The following SCFD2 variants were observed in gnomAD, a reference collection of about 807,000 sequenced individuals.
The protein encoded by SCFD2 is sec1 family domain containing 2.
In SCFD2, 54 loss-of-function variants were observed where a neutral mutation model predicts 58.9. That is an observed-to-expected ratio of 0.92 (90% confidence interval 0.74 to 1.15). The LOEUF is 1.15. SCFD2 is among the 50% of genes most tolerant of loss of function. SCFD2 has a pLI of 0.00. For missense variants in SCFD2, 805 were observed against 836.6 expected, an observed-to-expected ratio of 0.96 and a Z score of 0.47; for synonymous variants, 321 against 335.9, an observed-to-expected ratio of 0.96 and a Z score of 0.49.
Position 53,045,423 on chromosome 4 carries a change from T to C in SCFD2, c.1561+99910A>G, listed in dbSNP as rs544369449. Reference sequence around the variant, plus strand: ...TCTAGTATTCTACGGCCAATGTATTTCTTTTTGGATATGTAATTTAGCTTT... The same window carrying C: ...TCTAGTATTCTACGGCCAATGTATTCCTTTTTGGATATGTAATTTAGCTTT... On this transcript the variant is annotated intron_variant, in intron 5 of 8. Transcript: ENST00000401642. 1.5e-3 allele frequency among the ~76,000 whole-genome samples: 226 copies of C among 152,284 alleles called. 1 individual carries two copies. The highest frequency in any genetic ancestry group is 0.012 in the South Asian group (60 of 4,822).
chr4:53,086,343 C>T lies in SCFD2; in HGVS notation c.1561+58990G>A, dbSNP rs775328454. ...AAAACTACAATGAGATATCACCTCA[C>T]CTCAGTTAAAATGACTTTTATCCAA... is the stretch of plus-strand genomic sequence containing the variant. On this transcript the variant is annotated intron_variant, in intron 5 of 8. Transcript: ENST00000401642. Among the ~76,000 whole-genome samples, 10 of 152,240 alleles carry T rather than the reference C, an allele frequency of 6.6e-5. No homozygotes were observed. The East Asian group carries it at 9.6e-4, about 15-fold the overall frequency.
chr4:53,208,163 A>G, intron 4 of SCFD2, among the ~76,000 whole-genome samples: 1 of 151,278 alleles, frequency 6.6e-6, no homozygotes, highest in Non-Finnish European at 1.5e-5. Context: ...ATATATAGAG[A>G]GACAGCGTTT....
intron 4 of SCFD2, among the ~76,000 whole-genome samples, chr4:53,258,538 G>GTATA (rs59321045): frequency 0.018 from 2,150 of 119,038 alleles, 34 homozygotes; most frequent in Non-Finnish European, 0.023. Context: ...TGGTGTGTGT[G>GTATA]TATATATATA....
At chr4:53,208,070 C>G (rs1312919964) in intron 4 of SCFD2, among the ~76,000 whole-genome samples, 1 of 151,942 alleles carries the variant, frequency 6.6e-6, no homozygotes, top group East Asian at 1.9e-4. Context: ...CATCCTCCCA[C>G]CTCAGCCTCC....
At chr4:53,298,402 G>T (rs1323522524) in intron 3 of SCFD2, among the ~76,000 whole-genome samples, 4 of 152,294 alleles carry the variant, frequency 2.6e-5, no homozygotes, top group East Asian at 3.9e-4. Flanking sequence ...TGGGGGAGGG[G>T]CGCCCACCAT....
chr4:53,043,500 T>C (rs935530426), intron 5 of SCFD2, among the ~76,000 whole-genome samples: 42 of 152,160 alleles, frequency 2.8e-4, no homozygotes, highest in Non-Finnish European at 1.3e-4. Flanking sequence ...ATTAGTTAAA[T>C]TGAAGAAATA....
chr4:53,251,219 T>G (rs985863272), intron 4 of SCFD2, among the ~76,000 whole-genome samples: 4 of 152,020 alleles, frequency 2.6e-5, no homozygotes, highest in Non-Finnish European at 5.9e-5. Flanking sequence ...AATAACAGGA[T>G]CTGAAATTGT....
intron 4 of SCFD2, among the ~76,000 whole-genome samples, chr4:53,230,433 T>C (rs1234969704): frequency 6.6e-6 from 1 of 152,178 alleles, no homozygotes; most frequent in Non-Finnish European, 1.5e-5. Context: ...CATGGAATAC[T>C]ATGCAGCCAC....
intron 5 of SCFD2, among the ~76,000 whole-genome samples, chr4:52,973,172 C>G (rs1222988747): frequency 5.9e-5 from 9 of 151,980 alleles, no homozygotes; most frequent in Non-Finnish European, 8.8e-5. Flanking sequence ...AAGATCAGAG[C>G]AGAACTGAAG....
At chr4:53,125,309 G>A (rs576359098) in intron 5 of SCFD2, among the ~76,000 whole-genome samples, 1 of 152,280 alleles carries the variant, frequency 6.6e-6, no homozygotes, top group South Asian at 2.1e-4. Context: ...TAAATCCTGA[G>A]GAGAGAATAC....
intron 5 of SCFD2, among the ~76,000 whole-genome samples, chr4:53,102,742 C>T (rs1421515766): frequency 3.3e-5 from 5 of 152,018 alleles, no homozygotes; most frequent in African/African-American, 1.2e-4. Context: ...GAAAAACAGG[C>T]CCATTTTTAT....
At chr4:53,121,551 G>A (rs1725478061) in intron 5 of SCFD2, among the ~76,000 whole-genome samples, 1 of 152,200 alleles carries the variant, frequency 6.6e-6, no homozygotes, top group Non-Finnish European at 1.5e-5. Context: ...GAAGGATAGA[G>A]GCTGATTGAA....
chr4:52,945,220 T>C (rs768794604), intron 5 of SCFD2, among the ~76,000 whole-genome samples: 3 of 152,162 alleles, frequency 2.0e-5, no homozygotes, highest in Non-Finnish European at 4.4e-5. Flanking sequence ...GAAAAAGAGA[T>C]CTCAAGAGGG....
intron 5 of SCFD2, among the ~76,000 whole-genome samples, chr4:53,118,116 A>G (rs529549109): frequency 6.6e-6 from 1 of 152,310 alleles, no homozygotes; most frequent in South Asian, 2.1e-4. Flanking sequence ...TGAGATGGAC[A>G]AACAAAAATG....
At chr4:53,045,533 A>G (rs1359979746) in intron 5 of SCFD2, among the ~76,000 whole-genome samples, 3 of 152,152 alleles carry the variant, frequency 2.0e-5, no homozygotes, top group Admixed American at 2.0e-4. Context: ...TTTATAAATA[A>G]AAATAGCTTT....
chr4:52,883,938 TC>T (rs908314636), intron 8 of SCFD2, among the ~76,000 whole-genome samples: 3 of 152,170 alleles, frequency 2.0e-5, no homozygotes, highest in African/African-American at 7.2e-5. Flanking sequence ...GGTACCCAGG[TC>T]CCATTCCTCC....
intron 1 of SCFD2, among the ~76,000 whole-genome samples, chr4:53,358,154 A>C (rs1204587691): frequency 6.6e-6 from 1 of 152,238 alleles, no homozygotes; most frequent in Non-Finnish European, 1.5e-5. Flanking sequence ...ATCACACCTT[A>C]AAGCAAATAT....
At chr4:53,284,103 A>G (rs1235347344) in intron 3 of SCFD2, among the ~76,000 whole-genome samples, 10 of 147,548 alleles carry the variant, frequency 6.8e-5, no homozygotes, top group Admixed American at 2.7e-4. Context: ...TGGGCGACAG[A>G]GCAAGACTCC....
intron 2 of SCFD2, among the ~76,000 whole-genome samples, chr4:53,340,167 C>A (rs1439100181): frequency 6.6e-6 from 1 of 152,156 alleles, no homozygotes; most frequent in Non-Finnish European, 1.5e-5. Flanking sequence ...CAGGGTGAGG[C>A]ATCACCTTAC....
Sources: gnomAD v4.1 joint callset for allele counts (sites outside exome capture counted in the v4.1 genomes callset) on GRCh38, gnomAD v4.1.1 for gene constraint, MANE v1.5 for transcripts, NCBI Gene and HGNC (gene_info 2026-07-23, HGNC 2026-07-21) for gene names.